PCDHGA6: variants seen among roughly 807,000 people sequenced by gnomAD.
The protein encoded by PCDHGA6 is protocadherin gamma-A6.
In PCDHGA6, 41 loss-of-function variants were observed where a neutral mutation model predicts 60.6. The observed-to-expected ratio is 0.68, with a 90% CI of 0.53 to 0.88. The LOEUF (loss-of-function observed/expected upper bound fraction) is 0.88, where lower values mean the gene tolerates loss of function less well. Among genes scored for constraint, PCDHGA6 ranks in the 40% least tolerant of loss-of-function variants. The pLI, the probability that PCDHGA6 is intolerant of heterozygous loss-of-function variation, is 0.00. For missense variants in PCDHGA6, 1,312 were observed against 1,203.0 expected (o/e 1.09, Z -1.34); for synonymous variants, 594 against 524.4 (o/e 1.13, Z -1.81).
chr5:141,481,065 AAAAG>A (rs1476331686), intron 1 of PCDHGA6, among the ~76,000 whole-genome samples: 1 of 152,164 alleles, frequency 6.6e-6, no homozygotes, highest in Non-Finnish European at 1.5e-5. Flanking sequence ...CTCAAAAACA[AAAAG>A]AAAGAAAGAA....
chr5:141,450,491 G>C (rs1264524088), intron 1 of PCDHGA6, among the ~76,000 whole-genome samples: 1 of 151,896 alleles, frequency 6.6e-6, no homozygotes, highest in Non-Finnish European at 1.5e-5. Context: ...TTGTTTGTCT[G>C]TTTGTTTGTT....
intron 1 of PCDHGA6, chr5:141,421,565 A>T (rs1373619696): frequency 1.2e-6 from 2 of 1,613,834 alleles, no homozygotes; most frequent in Admixed American, 3.3e-5. Context: ...CTCGTGGAAG[A>T]CACCTTGAAG....
chr5:141,485,106 T>C lies in PCDHGA6; in HGVS notation c.2425-9701T>C, dbSNP rs2099607051. The C allele has an allele frequency of 3.3e-6, 4 of 1,206,448 alleles. No homozygotes were observed. Among genetic ancestry groups the C allele is most frequent in the Non-Finnish European group, 4.8e-6 (4 of 828,284 alleles). 74.7% of individuals were successfully genotyped at this position (1,206,448 alleles called of 1,614,324 possible). ...GGGAGATAGGTGTCTCCAGCTGCTGTGGCTGTTTGGGGCGGGTCGGCTTCA... is the reference window on the plus strand; with the variant it reads ...GGGAGATAGGTGTCTCCAGCTGCTGCGGCTGTTTGGGGCGGGTCGGCTTCA... On this transcript the variant is annotated intron_variant, in intron 1 of 3. Coordinates refer to ENST00000517434, the MANE Select transcript of PCDHGA6 (RefSeq NM_018919.3). This position sits in a 1 kb window ranked among gnomAD's most constrained non-coding sequence, Gnocchi z 5.7.
At position 141,485,561 on chromosome 5, in the gene PCDHGA6, GCCC is replaced by G; in HGVS notation, c.2425-9242_2425-9240del. ...AGAGATCGTAGATGTGAATGATCAC[GCCC>G]CCCGTTTTCCGCGGCAGCAGCTGGA... On this transcript the variant is annotated intron_variant, in intron 1 of 3. Transcript: ENST00000517434. This position sits in a 1 kb window ranked among gnomAD's most constrained non-coding sequence, Gnocchi z 5.7. 1 of 1,613,008 alleles carries G rather than the reference GCCC, an allele frequency of 6.2e-7. No homozygotes were observed.
chr5:141,381,143 G>A (rs1277267624), intron 1 of PCDHGA6, among the ~76,000 whole-genome samples: 1 of 152,184 alleles, frequency 6.6e-6, no homozygotes, highest in Non-Finnish European at 1.5e-5. Flanking sequence ...CCACCAGAAA[G>A]CAGAAATAGG....
chr5:141,399,092 G>C (rs573118488), intron 1 of PCDHGA6: 1 of 1,613,810 alleles, frequency 6.2e-7, no homozygotes, highest in East Asian at 2.2e-5. Context: ...GATGGTGGTG[G>C]ACTGGTTGCA....
chr5:141,506,459 A>G (rs1159808052), intron 3 of PCDHGA6, among the ~76,000 whole-genome samples: 4 of 151,918 alleles, frequency 2.6e-5, no homozygotes, highest in Non-Finnish European at 4.4e-5. Context: ...AAAAAAAAAA[A>G]AAAAAAGAGC....
At chr5:141,492,091 C>A (rs930375969) in intron 1 of PCDHGA6, among the ~76,000 whole-genome samples, 1 of 152,242 alleles carries the variant, frequency 6.6e-6, no homozygotes, top group South Asian at 2.1e-4. Flanking sequence ...CACGCTTCGC[C>A]GGTCTGTAGA....
chr5:141,488,815 T>A (rs769851687), intron 1 of PCDHGA6, among the ~76,000 whole-genome samples: 30 of 152,144 alleles, frequency 2.0e-4, no homozygotes, highest in Non-Finnish European at 4.1e-4. Context: ...ATCTGAGCTG[T>A]CAAACTTTGC....
chr5:141,446,747 G>A (rs997132200), intron 1 of PCDHGA6, among the ~76,000 whole-genome samples: 10 of 152,190 alleles, frequency 6.6e-5, no homozygotes, highest in African/African-American at 1.4e-4. Context: ...GATTACAGGC[G>A]TGAGCCACCG....
chr5:141,494,546 G>A (rs984336435), intron 1 of PCDHGA6, among the ~76,000 whole-genome samples: 7 of 152,152 alleles, frequency 4.6e-5, no homozygotes, highest in African/African-American at 1.2e-4. Context: ...GGAGGAAGGG[G>A]CCATTTCTTT....
At chr5:141,409,883 C>G (rs530193346) in intron 1 of PCDHGA6, 2 of 1,612,988 alleles carry the variant, frequency 1.2e-6, no homozygotes, top group South Asian at 2.2e-5. Context: ...CAACGCACCG[C>G]GGGTGCTGTA....
At chr5:141,496,698 C>T (rs2099770595) in intron 2 of PCDHGA6, among the ~76,000 whole-genome samples, 1 of 152,196 alleles carries the variant, frequency 6.6e-6, no homozygotes, top group Non-Finnish European at 1.5e-5. Context: ...CCAACCTTCT[C>T]ATAAGTTATC....
chr5:141,373,964 C>A lies in PCDHGA6; in HGVS notation c.-120C>A. The A allele has an allele frequency of 1.0e-6, 1 of 955,768 alleles. No individual in the cohort carries two copies. The highest frequency in any genetic ancestry group is 1.5e-6 in the Non-Finnish European group (1 of 686,318). The allele number at this position is 955,768 out of a possible 1,614,324, so 59.2% of individuals were successfully genotyped here. A position where few individuals can be genotyped will look rare whatever the true frequency, so the allele number is the denominator to read the frequency against. On this transcript the variant is annotated 5_prime_UTR_variant, in exon 1 of 4. Transcript: ENST00000517434. The stretch of plus-strand genomic sequence containing the variant: ...GCTGTGCAGAAATTCTGACCTGAAA[C>A]GCTTCGCATCCGGTCTCTGCTTGTT...
intron 1 of PCDHGA6, among the ~76,000 whole-genome samples, chr5:141,405,770 G>C (rs989163026): frequency 1.3e-5 from 2 of 152,032 alleles, no homozygotes; most frequent in East Asian, 3.9e-4. Context: ...GAGCCACTGC[G>C]CCTGGCCCTT....
At chr5:141,418,946 G>A in intron 1 of PCDHGA6, 3 of 1,614,018 alleles carry the variant, frequency 1.9e-6, no homozygotes, top group South Asian at 1.1e-5. Flanking sequence ...TTCCCCTCCA[G>A]GAGTGGTTGT....
At chr5:141,405,575 G>C in intron 1 of PCDHGA6, 1 of 598,040 alleles carries the variant, frequency 1.7e-6, no homozygotes. Flanking sequence ...GAGTAGAGTA[G>C]CTGGGACTAC....
rs17097297 is a variant in PCDHGA6 at position 141,426,366 on chromosome 5, G to C, written c.2424+49859G>C. 737 of 204,832 alleles carry C rather than the reference G, an allele frequency of 3.6e-3. 4 individuals are homozygous for C. The highest frequency in any genetic ancestry group is 0.015 in the African/African-American group (666 of 43,954). 12.7% of individuals were successfully genotyped at this position (204,832 alleles called of 1,614,324 possible). Reference sequence around the variant, plus strand: ...CTTTCCTGCTGCCTTTGTTCTGCGGGGCACCCTCGGAGCAGATCCGCTACT... The same window carrying C: ...CTTTCCTGCTGCCTTTGTTCTGCGGCGCACCCTCGGAGCAGATCCGCTACT... On this transcript the variant is annotated intron_variant, in intron 1 of 3. Transcript: ENST00000517434.
intron 1 of PCDHGA6, among the ~76,000 whole-genome samples, chr5:141,458,695 G>A (rs551105765): frequency 2.0e-5 from 3 of 151,852 alleles, no homozygotes; most frequent in Non-Finnish European, 2.9e-5. Context: ...TCAGCCTCCC[G>A]AGTAGCTGGG....
Sources: allele counts gnomAD v4.1 joint callset (sites outside exome capture counted in the v4.1 genomes callset), GRCh38; gene constraint gnomAD v4.1.1; non-coding constraint Gnocchi (gnomAD v3.1); transcripts MANE v1.5; gene names NCBI Gene and HGNC (gene_info 2026-07-23, HGNC 2026-07-21).